Variants in ZBTB20 observed in about 807,000 individuals in gnomAD.
The protein encoded by ZBTB20 is zinc finger and BTB domain-containing protein 20.
Under a neutral mutation model 56.9 loss-of-function variants are expected in ZBTB20, and 9 were observed. The observed-to-expected ratio is 0.16, with a 90% confidence interval of 0.10 to 0.28. ZBTB20 has a LOEUF of 0.28. Ranked by LOEUF, ZBTB20 falls within the 10% of genes least tolerant of loss-of-function variation. The probability of loss-of-function intolerance (pLI) is 1.00; values close to 1 mark genes in which losing one functional copy is unlikely to be tolerated. For missense variants in ZBTB20, 655 were observed against 1,003.0 expected (o/e 0.65, Z 4.69); for synonymous variants, 417 against 420.7 (o/e 0.99, Z 0.11).
intron 1 of ZBTB20, among the ~76,000 whole-genome samples, chr3:115,125,282 G>C (rs550323267): frequency 1.3e-5 from 2 of 151,462 alleles, no homozygotes; most frequent in African/African-American, 2.4e-5. Flanking sequence ...GGTCAAGACA[G>C]GAGTGAACCA....
At chr3:114,998,187 T>C (rs1034285136) in intron 2 of ZBTB20, among the ~76,000 whole-genome samples, 1 of 151,748 alleles carries the variant, frequency 6.6e-6, no homozygotes, top group African/African-American at 2.4e-5. Context: ...TACATAACCA[T>C]GTACATTATG....
At chr3:115,073,762 A>T (rs1222545051) in intron 1 of ZBTB20, among the ~76,000 whole-genome samples, 1 of 151,812 alleles carries the variant, frequency 6.6e-6, no homozygotes, top group Non-Finnish European at 1.5e-5. Context: ...AACCGTATAC[A>T]ATAAAATTTA....
intron 2 of ZBTB20, among the ~76,000 whole-genome samples, chr3:114,993,391 TA>T (rs1421511385): frequency 2.6e-5 from 4 of 151,910 alleles, no homozygotes; most frequent in Non-Finnish European, 5.9e-5. Flanking sequence ...ATACAATTAG[TA>T]AAGATATAGA....
At chr3:114,394,023 A>G (rs1272221494) in intron 7 of ZBTB20, among the ~76,000 whole-genome samples, 1 of 152,192 alleles carries the variant, frequency 6.6e-6, no homozygotes, top group Non-Finnish European at 1.5e-5. Context: ...GTCCTAGGAA[A>G]TCACACCACA....
In ZBTB20 at chr3:115,016,626, T is replaced by A. The variant is rs151104057; in HGVS notation, c.-506-42210A>T. 5.6e-3 allele frequency among the ~76,000 whole-genome samples: 851 copies of A among 152,004 alleles called. 3 individuals are homozygous for A. The highest frequency in any genetic ancestry group is 0.019 in the African/African-American group (791 of 41,514). ...GTCGAAGATCAGATGGTTGTAGGCA[T>A]GTGGTCTCATTTCTGAGTTCTCTAT... is the stretch of plus-strand genomic sequence containing the variant. On this transcript the variant is annotated intron_variant, in intron 2 of 11. Transcript: ENST00000675478.
chr3:114,648,925 A>T (rs2059986787), intron 6 of ZBTB20, among the ~76,000 whole-genome samples: 1 of 152,056 alleles, frequency 6.6e-6, no homozygotes, highest in Non-Finnish European at 1.5e-5. Context: ...CCAGAAATTA[A>T]ATATTTAAAG....
chr3:115,129,320 T>G (rs2084433528), intron 1 of ZBTB20, among the ~76,000 whole-genome samples: 1 of 152,210 alleles, frequency 6.6e-6, no homozygotes, highest in South Asian at 2.1e-4. Context: ...ATTCATCCAT[T>G]CAATTTTCTC....
chr3:115,100,665 C>A (rs2083555042), intron 1 of ZBTB20: 1 of 152,174 alleles, frequency 6.6e-6, no homozygotes. Context: ...TTTATTTATG[C>A]TCCATTATGA....
intron 4 of ZBTB20, among the ~76,000 whole-genome samples, chr3:114,886,768 A>G (rs1346413842): frequency 1.3e-5 from 2 of 152,210 alleles, no homozygotes; most frequent in Admixed American, 6.5e-5. Context: ...TAATTCCATG[A>G]AATTCATAAA....
intron 7 of ZBTB20, among the ~76,000 whole-genome samples, chr3:114,407,399 G>C (rs982472163): frequency 1.3e-5 from 2 of 152,070 alleles, no homozygotes; most frequent in African/African-American, 4.8e-5. Flanking sequence ...TTATTGCAAG[G>C]CTTCTTATTT....
chr3:115,047,230 G>C lies in ZBTB20; in HGVS notation c.-507+23989C>G, dbSNP rs369265876. ...TGTAGTTTTGATCTTTTCACCTTTA[G>C]TAATAAAAGTCATCTATTTTGTACC... On this transcript the variant is annotated intron_variant, in intron 2 of 11. Transcript: ENST00000675478. 2.3e-3 allele frequency among the ~76,000 whole-genome samples: 355 copies of C among 152,218 alleles called. 2 individuals are homozygous for C. The highest frequency in any genetic ancestry group is 8.4e-3 in the African/African-American group (349 of 41,526).
Position 114,783,450 on chromosome 3 carries a change from T to G in ZBTB20, c.-343+17651A>C, listed in dbSNP as rs116043246. On this transcript the variant is annotated intron_variant, in intron 5 of 11. Coordinates refer to ENST00000675478, the MANE Select transcript of ZBTB20 (RefSeq NM_001348800.3). ...AATCAATTTATTTTCTTAAATTCCT[T>G]AAGACTAAACATGGCAGCATTTTTC... Among the ~76,000 whole-genome samples, 1,053 of 152,284 alleles carry G rather than the reference T, an allele frequency of 6.9e-3. 11 individuals are homozygous for G. Among genetic ancestry groups the G allele is most frequent in the African/African-American group, 0.024 (1,000 of 41,560 alleles).
chr3:114,627,952 A>G (rs912334427), intron 6 of ZBTB20, among the ~76,000 whole-genome samples: 1 of 152,146 alleles, frequency 6.6e-6, no homozygotes, highest in East Asian at 1.9e-4. Context: ...GAGTTGGGAA[A>G]TGTTTTTGGC....
intron 2 of ZBTB20, among the ~76,000 whole-genome samples, chr3:115,053,178 C>G (rs532495378): frequency 6.6e-6 from 1 of 152,266 alleles, no homozygotes; most frequent in South Asian, 2.1e-4. Context: ...TGAGAAATAA[C>G]GACTTTAAAG....
chr3:114,524,861 C>T (rs753167302), intron 6 of ZBTB20, among the ~76,000 whole-genome samples: 2 of 152,086 alleles, frequency 1.3e-5, no homozygotes, highest in African/African-American at 2.4e-5. Context: ...ATTACAGGCA[C>T]GCACCACCAC....
intron 1 of ZBTB20, among the ~76,000 whole-genome samples, chr3:115,120,085 G>A (rs2084139717): frequency 6.6e-6 from 1 of 152,080 alleles, no homozygotes; most frequent in Non-Finnish European, 1.5e-5. Context: ...TACTCTGTAT[G>A]AGTCTTATAA....
chr3:114,822,396 A>T (rs953762400), intron 4 of ZBTB20, among the ~76,000 whole-genome samples: 6 of 152,014 alleles, frequency 3.9e-5, no homozygotes, highest in African/African-American at 1.2e-4. Context: ...TTAGGTCATT[A>T]AAAAAACACT....
In ZBTB20 at chr3:114,562,325, C is replaced by G. The variant is rs142562690; in HGVS notation, c.-294-61934G>C. Among the ~76,000 whole-genome samples, 1,297 of 152,144 alleles carry G rather than the reference C, an allele frequency of 8.5e-3. 18 individuals are homozygous for G. Among genetic ancestry groups the G allele is most frequent in the African/African-American group, 0.03 (1,242 of 41,508 alleles). ...AACTACAGACACGTGCCACCACACTCAGCTAATTTTTGTATTTTTAGTAGA... is the reference window on the plus strand; with the variant it reads ...AACTACAGACACGTGCCACCACACTGAGCTAATTTTTGTATTTTTAGTAGA... On this transcript the variant is annotated intron_variant, in intron 6 of 11. Transcript: ENST00000675478.
intron 7 of ZBTB20, among the ~76,000 whole-genome samples, chr3:114,411,818 G>A (rs1235691055): frequency 1.3e-5 from 2 of 152,114 alleles, no homozygotes; most frequent in Non-Finnish European, 2.9e-5. Flanking sequence ...GTGGAAGGAC[G>A]ATTTTAATAT....
Sources: allele counts gnomAD v4.1 joint callset (sites outside exome capture counted in the v4.1 genomes callset), GRCh38; gene constraint gnomAD v4.1.1; transcripts MANE v1.5; gene names NCBI Gene and HGNC (gene_info 2026-07-23, HGNC 2026-07-21).